The following NUDC variants were observed in gnomAD, a reference collection of about 807,000 sequenced individuals.
NUDC encodes the protein nuclear migration protein nudC.
A neutral mutation model predicts 45.0 loss-of-function variants in NUDC; 14 were observed. The ratio of observed to expected loss-of-function variants is 0.31; its 90% CI spans 0.21 to 0.49. The LOEUF is 0.49. Among genes scored for constraint, NUDC ranks in the 20% least tolerant of loss-of-function variants. The pLI, the probability that NUDC is intolerant of heterozygous loss-of-function variation, is 0.99. For missense variants in NUDC, 323 were observed against 426.2 expected, an observed-to-expected ratio of 0.76 and a Z score of 2.13; for synonymous variants, 153 against 156.7, an observed-to-expected ratio of 0.98 and a Z score of 0.17.
At chr1:26,901,975 T>A (rs1397451983) in intron 1 of NUDC, among the ~76,000 whole-genome samples, 1 of 152,134 alleles carries the variant, frequency 6.6e-6, no homozygotes, top group Non-Finnish European at 1.5e-5. Flanking sequence ...ATAAAAAAAA[T>A]GACTGCACAT....
In NUDC at chr1:26,942,665, T is replaced by G. The variant is rs1557681304; in HGVS notation, c.435T>G (p.Thr145=). 2 of 1,614,110 alleles carry G rather than the reference T, an allele frequency of 1.2e-6. No homozygotes were observed. Among genetic ancestry groups the G allele is most frequent in the Non-Finnish European group, 1.7e-6 (2 of 1,180,028 alleles). The change falls in exon 5 of 9, where the codon ACT becomes ACG. Residue 145 remains threonine, a synonymous_variant. Coordinates refer to ENST00000321265, the MANE Select transcript of NUDC (RefSeq NM_006600.4). ...GTGTCCCTGATTGTAAGCAGGATACTGAGGAAGATGAGGAGGAAGATGAGA... is the reference window on the plus strand; with the variant it reads ...GTGTCCCTGATTGTAAGCAGGATACGGAGGAAGATGAGGAGGAAGATGAGA... ...GSLDSPGKQD[T]EEDEEEDEKD... is the part of the protein sequence containing the mutation.
intron 2 of NUDC, among the ~76,000 whole-genome samples, chr1:26,935,828 C>G (rs1405210186): frequency 1.3e-5 from 2 of 151,004 alleles, no homozygotes; most frequent in Non-Finnish European, 1.5e-5. Flanking sequence ...CAAACAAAGA[C>G]AAAAACAAAA....
At chr1:26,934,359 C>G (rs1353561418) in intron 2 of NUDC, among the ~76,000 whole-genome samples, 7 of 152,132 alleles carry the variant, frequency 4.6e-5, no homozygotes, top group Admixed American at 3.9e-4. Flanking sequence ...GGGAAACCAT[C>G]CTGGTGATTC....
At chr1:26,910,318 G>A (rs1312512873) in intron 2 of NUDC, among the ~76,000 whole-genome samples, 2 of 152,250 alleles carry the variant, frequency 1.3e-5, no homozygotes, top group African/African-American at 4.8e-5. Flanking sequence ...GTGTTGGGGG[G>A]TGTCCAAGTT....
At position 26,900,876 on chromosome 1, in the gene NUDC, C is replaced by A. The variant is rs1451549710; in HGVS notation, c.-101+476C>A. Among the ~76,000 whole-genome samples, 7 of 152,194 alleles carry A rather than the reference C, an allele frequency of 4.6e-5. No individual in the cohort carries two copies. In the East Asian group the frequency reaches 9.7e-4, roughly 21 times the overall value. The stretch of plus-strand genomic sequence containing the variant: ...GTAGAAAAATGGGCCGAAGATACTT[C>A]GCAAAAGAGGAAACACGCAGGTCCA... On this transcript the variant is annotated intron_variant, in intron 1 of 6. Transcript: ENST00000435827.
chr1:26,942,784 T>G lies in NUDC; in HGVS notation c.546+8T>G, dbSNP rs777974372. ...ACCCTGTCGGAGCTGGACGTGAGTG[T>G]CAGGGACCAGAGGTAAAGCTTAGGG... On this transcript the variant is annotated splice_region_variant and intron_variant, in intron 5 of 8. Coordinates refer to ENST00000321265, the MANE Select transcript of NUDC (RefSeq NM_006600.4). 9.3e-5 allele frequency: 150 copies of G among 1,614,042 alleles called. No homozygotes were observed. The highest frequency in any genetic ancestry group is 1.2e-4 in the Non-Finnish European group (145 of 1,180,016).
intron 2 of NUDC, among the ~76,000 whole-genome samples, chr1:26,905,994 A>T (rs1248926339): frequency 6.6e-6 from 1 of 152,174 alleles, no homozygotes; most frequent in Non-Finnish European, 1.5e-5. Flanking sequence ...TAAAAAATAC[A>T]TAAAAGGCCG....
intron 2 of NUDC, among the ~76,000 whole-genome samples, chr1:26,906,349 G>A (rs1003057930): frequency 6.6e-5 from 10 of 152,002 alleles, no homozygotes; most frequent in African/African-American, 1.7e-4. Flanking sequence ...CCAGCTACTC[G>A]GGAAACTGAG....
intron 2 of NUDC, among the ~76,000 whole-genome samples, chr1:26,933,722 GT>G (rs991569195): frequency 8.6e-5 from 13 of 151,946 alleles, no homozygotes; most frequent in African/African-American, 2.9e-4. Context: ...CCAGTTTTTA[GT>G]TTTTTTAGGA....
intron 2 of NUDC, among the ~76,000 whole-genome samples, chr1:26,906,612 G>A (rs1195292337): frequency 6.6e-6 from 1 of 152,140 alleles, no homozygotes; most frequent in Non-Finnish European, 1.5e-5. Flanking sequence ...CACTTTGGGA[G>A]GCCAAGGCAG....
At chr1:26,914,745 T>A (rs2082052185) in intron 3 of NUDC, among the ~76,000 whole-genome samples, 1 of 152,032 alleles carries the variant, frequency 6.6e-6, no homozygotes, top group South Asian at 2.1e-4. Context: ...GGAAGGGGGA[T>A]CATTTGAGGT....
At chr1:26,934,761 G>A (rs183158830) in intron 2 of NUDC, among the ~76,000 whole-genome samples, 195 of 150,726 alleles carry the variant, frequency 1.3e-3, no homozygotes, top group African/African-American at 4.4e-3. Flanking sequence ...CTGGGTTCAC[G>A]CCATTCTCCT....
At chr1:26,924,274 A>G (rs1161819498) in intron 2 of NUDC, 108 bp downstream of exon 2, 3 of 909,210 alleles carry the variant, frequency 3.3e-6, no homozygotes, top group African/African-American at 1.6e-5. Context: ...GCGAAATGCC[A>G]AAGGTGAGGA....
intron 6 of NUDC, 142 bp from the exon 7 acceptor site, chr1:26,945,248 G>A: frequency 8.4e-6 from 6 of 718,410 alleles, no homozygotes; most frequent in East Asian, 2.7e-5. Context: ...GCACAGTCTT[G>A]TACCTCTGGA....
At chr1:26,932,266 T>C (rs1471899820) in intron 2 of NUDC, among the ~76,000 whole-genome samples, 1 of 150,864 alleles carries the variant, frequency 6.6e-6, no homozygotes, top group African/African-American at 2.4e-5. Context: ...AACCTCTGCC[T>C]TCCGGGTTCA....
At chr1:26,944,138 C>T (rs1390786449) in intron 6 of NUDC, among the ~76,000 whole-genome samples, 3 of 152,052 alleles carry the variant, frequency 2.0e-5, no homozygotes, top group African/African-American at 7.2e-5. Flanking sequence ...TTGTGATCCG[C>T]CCACCTCGGC....
intron 2 of NUDC, among the ~76,000 whole-genome samples, chr1:26,934,812 C>A (rs1470960636): frequency 6.6e-6 from 1 of 151,432 alleles, no homozygotes; most frequent in African/African-American, 2.4e-5. Flanking sequence ...CACCCCCCAC[C>A]ATGCCCGGCT....
Position 26,911,127 on chromosome 1 carries a change from G to A in NUDC, c.-15-1G>A, listed in dbSNP as rs2082023775. Reference sequence around the variant, plus strand: ...GGACCACTCTCTTTTGTCATCTGCAGGAATGGGGGAAGTGAATGATCTCAA... The same window carrying A: ...GGACCACTCTCTTTTGTCATCTGCAAGAATGGGGGAAGTGAATGATCTCAA... On this transcript the variant is annotated splice_acceptor_variant, in intron 2 of 6. Transcript: ENST00000435827. LOFTEE classifies it low-confidence loss of function (5UTR_SPLICE). 1 of 470,990 alleles carries A rather than the reference G, an allele frequency of 2.1e-6. No homozygotes were observed. The highest frequency in any genetic ancestry group is 2.0e-5 in the African/African-American group (1 of 50,094). 29.2% of individuals were successfully genotyped at this position (470,990 alleles called of 1,614,324 possible).
At chr1:26,916,660 C>A (rs2082063304) in intron 3 of NUDC, among the ~76,000 whole-genome samples, 1 of 151,948 alleles carries the variant, frequency 6.6e-6, no homozygotes, top group South Asian at 2.1e-4. Flanking sequence ...TAGAATCATA[C>A]TAAAAAACCA....
Sources: gnomAD v4.1 joint callset for allele counts (sites outside exome capture counted in the v4.1 genomes callset) on GRCh38, gnomAD v4.1.1 for gene constraint, MANE v1.5 for transcripts, NCBI Gene and HGNC (gene_info 2026-07-23, HGNC 2026-07-21) for gene names.